The following TSHZ2 variants were observed in gnomAD, a reference collection of about 807,000 sequenced individuals.
TSHZ2 encodes teashirt zinc finger homeobox 2.
In TSHZ2, 21 loss-of-function variants were observed where a neutral mutation model predicts 74.4. The ratio of observed to expected loss-of-function variants is 0.28; its 90% CI spans 0.20 to 0.41. TSHZ2 has a LOEUF of 0.41. Ranked by LOEUF, TSHZ2 falls within the 10% of genes least tolerant of loss-of-function variation. The pLI is 1.00. For missense variants in TSHZ2, 1,244 were observed against 1,293.5 expected, an observed-to-expected ratio of 0.96 and a Z score of 0.59; for synonymous variants, 540 against 515.3, an observed-to-expected ratio of 1.05 and a Z score of -0.65.
chr20:53,454,934 C>T (rs117796822), intron 2 of TSHZ2, among the ~76,000 whole-genome samples: 1,900 of 152,254 alleles, frequency 0.012, 20 homozygotes, highest in Non-Finnish European at 0.021. Context: ...ACTGCCTGAG[C>T]GACCACCCAC....
At chr20:53,281,982 C>T (rs548723328) in intron 2 of TSHZ2, among the ~76,000 whole-genome samples, 4 of 152,206 alleles carry the variant, frequency 2.6e-5, no homozygotes, top group Non-Finnish European at 5.9e-5. Flanking sequence ...AAGAGAGCTG[C>T]AGGTGCACCT....
intron 1 of TSHZ2, among the ~76,000 whole-genome samples, chr20:53,020,563 G>C (rs1263507091): frequency 1.3e-5 from 2 of 152,132 alleles, no homozygotes; most frequent in Non-Finnish European, 2.9e-5. Context: ...AGAGGTCTTG[G>C]CTCTTGAAAT....
intron 2 of TSHZ2, among the ~76,000 whole-genome samples, chr20:53,441,133 A>G (rs1463564847): frequency 6.6e-6 from 1 of 152,188 alleles, no homozygotes; most frequent in Non-Finnish European, 1.5e-5. Context: ...TCTTGAGAAG[A>G]TCTGGAAAGT....
intron 2 of TSHZ2, among the ~76,000 whole-genome samples, chr20:53,457,785 T>A (rs915736905): frequency 1.3e-5 from 2 of 151,986 alleles, no homozygotes; most frequent in African/African-American, 4.8e-5. Flanking sequence ...TTGAATTTTG[T>A]CAAAGGCCTT....
intron 1 of TSHZ2, among the ~76,000 whole-genome samples, chr20:53,134,283 T>C (rs1600706099): frequency 6.6e-6 from 1 of 152,242 alleles, no homozygotes; most frequent in Non-Finnish European, 1.5e-5. Flanking sequence ...CAGCAAATTA[T>C]ATTTTCTTTG....
At chr20:53,057,417 C>CCCA (rs1555820345) in intron 1 of TSHZ2, among the ~76,000 whole-genome samples, 1 of 152,066 alleles carries the variant, frequency 6.6e-6, no homozygotes, top group Non-Finnish European at 1.5e-5. Flanking sequence ...TTCCCAGACG[C>CCCA]CCTACAACCT....
At chr20:53,422,547 T>G (rs1205111034) in intron 2 of TSHZ2, among the ~76,000 whole-genome samples, 3 of 152,078 alleles carry the variant, frequency 2.0e-5, no homozygotes, top group African/African-American at 7.2e-5. Flanking sequence ...CCCCCTCAGA[T>G]GCAATTTCAA....
At chr20:53,203,875 C>T (rs907706280) in intron 1 of TSHZ2, among the ~76,000 whole-genome samples, 8 of 151,894 alleles carry the variant, frequency 5.3e-5, no homozygotes, top group African/African-American at 1.5e-4. Context: ...AATGTTCAAG[C>T]GGTATGTCCC....
intron 1 of TSHZ2, among the ~76,000 whole-genome samples, chr20:52,989,521 CTT>C (rs1438741193): frequency 7.2e-5 from 11 of 152,196 alleles, no homozygotes; most frequent in Non-Finnish European, 1.3e-4. Context: ...GTTAAGGACT[CTT>C]TGAACAACCA....
chr20:53,431,126 A>G (rs1294078301), intron 2 of TSHZ2, among the ~76,000 whole-genome samples: 5 of 152,164 alleles, frequency 3.3e-5, no homozygotes, highest in African/African-American at 1.2e-4. Context: ...AAAATCATGA[A>G]GCTGTCACTC....
intron 1 of TSHZ2, among the ~76,000 whole-genome samples, chr20:53,160,251 G>A (rs1025173657): frequency 1.3e-5 from 2 of 152,156 alleles, no homozygotes; most frequent in African/African-American, 4.8e-5. Flanking sequence ...CTAAGAAAAT[G>A]GAAAACATTG....
intron 1 of TSHZ2, among the ~76,000 whole-genome samples, chr20:53,168,088 G>T (rs755121917): frequency 3.9e-5 from 6 of 152,182 alleles, no homozygotes; most frequent in Non-Finnish European, 7.3e-5. Flanking sequence ...GGCATCATGG[G>T]TGTGTGATTA....
intron 2 of TSHZ2, among the ~76,000 whole-genome samples, chr20:53,293,184 C>G (rs1438826001): frequency 6.6e-6 from 1 of 152,178 alleles, no homozygotes; most frequent in Admixed American, 6.5e-5. Context: ...ATACATGAGC[C>G]AAGTGCAGTG....
intron 2 of TSHZ2, among the ~76,000 whole-genome samples, chr20:53,388,051 C>CAAA (rs370885996): frequency 2.0e-5 from 2 of 99,984 alleles, no homozygotes; most frequent in Non-Finnish European, 2.2e-5. Flanking sequence ...TCCATCTCTA[C>CAAA]AAAAAAAAAA....
intron 1 of TSHZ2, among the ~76,000 whole-genome samples, chr20:52,986,892 TTG>T (rs149965419): frequency 5.3e-5 from 8 of 151,420 alleles, no homozygotes; most frequent in South Asian, 2.1e-4. Flanking sequence ...AAAAAATCAA[TTG>T]TGTGTGTGTG....
intron 2 of TSHZ2, among the ~76,000 whole-genome samples, chr20:53,266,178 A>G (rs1362494013): frequency 3.3e-5 from 5 of 152,164 alleles, no homozygotes; most frequent in Admixed American, 1.3e-4. Context: ...AGGAGGACAC[A>G]GGGAGTCCGG....
chr20:53,015,806 GA>G (rs1327945702), intron 1 of TSHZ2, among the ~76,000 whole-genome samples: 2 of 152,126 alleles, frequency 1.3e-5, no homozygotes, highest in Non-Finnish European at 2.9e-5. Context: ...GGGAGGGTGA[GA>G]AGTGGGGGAA....
chr20:53,238,693 G>A (rs1989994750), intron 1 of TSHZ2, among the ~76,000 whole-genome samples: 1 of 151,980 alleles, frequency 6.6e-6, no homozygotes, highest in Non-Finnish European at 1.5e-5. Flanking sequence ...CAGTCCAGAT[G>A]CACTGGGGTA....
intron 2 of TSHZ2, among the ~76,000 whole-genome samples, chr20:53,283,165 G>T (rs919416659): frequency 6.6e-6 from 1 of 152,124 alleles, no homozygotes; most frequent in Non-Finnish European, 1.5e-5. Flanking sequence ...TGTTGTAGAA[G>T]AAAAAGCTAA....
Sources: allele counts gnomAD v4.1 joint callset (sites outside exome capture counted in the v4.1 genomes callset), GRCh38; gene constraint gnomAD v4.1.1; transcripts MANE v1.5; gene names NCBI Gene and HGNC (gene_info 2026-07-23, HGNC 2026-07-21).